Variants in DRC9 observed in about 807,000 individuals in gnomAD.
DRC9 encodes dynein regulatory complex subunit 9.
the DRC9 span, among the ~76,000 whole-genome samples, chr3:197,909,494 G>C: frequency 6.6e-6 from 1 of 152,028 alleles, no homozygotes; most frequent in Non-Finnish European, 1.5e-5. Context: ...GAACCAAGAA[G>C]GTTTCGCAAT....
the DRC9 span, among the ~76,000 whole-genome samples, chr3:197,893,581 C>T: frequency 2.0e-5 from 3 of 151,846 alleles, no homozygotes; most frequent in South Asian, 2.1e-4. Flanking sequence ...CAGTGGCTCA[C>T]GTCTGGAATC....
the DRC9 span, among the ~76,000 whole-genome samples, chr3:197,910,150 T>C: frequency 6.6e-6 from 1 of 151,988 alleles, no homozygotes; most frequent in Non-Finnish European, 1.5e-5. Context: ...TGTCTGAAAT[T>C]GTAGCTGGAC....
the DRC9 span, among the ~76,000 whole-genome samples, chr3:197,935,389 G>A: frequency 4.4e-4 from 66 of 151,218 alleles, no homozygotes; most frequent in African/African-American, 1.5e-3. Context: ...GCGTGAGCCG[G>A]GATTGCGCCA....
At chr3:197,889,399 GA>G in the DRC9 span, 1 of 700,014 alleles carries the variant, frequency 1.4e-6, no homozygotes, top group Non-Finnish European at 2.4e-6. Context: ...ATCAGGGTTT[GA>G]AAACCCACCT....
At chr3:197,914,979 C>T in the DRC9 span, among the ~76,000 whole-genome samples, 3 of 151,732 alleles carry the variant, frequency 2.0e-5, no homozygotes, top group African/African-American at 7.3e-5. Context: ...GCCTGGCCAA[C>T]ATGGTGAAAC....
At chr3:197,906,919 C>T in the DRC9 span, among the ~76,000 whole-genome samples, 6 of 152,186 alleles carry the variant, frequency 3.9e-5, no homozygotes, top group African/African-American at 1.2e-4. Context: ...CTTGAGTAGG[C>T]AGCCCAACAA....
the DRC9 span, among the ~76,000 whole-genome samples, chr3:197,900,291 G>C: frequency 2.0e-5 from 3 of 152,230 alleles, no homozygotes; most frequent in African/African-American, 7.2e-5. The surrounding 1 kb of genome is among the most constrained non-coding windows in gnomAD (Gnocchi z 4.7). Flanking sequence ...CAGCCATGGT[G>C]GTTAAGGGAG....
chr3:197,915,163 C>CAAAAAAAAAAAAAAAAAAAA, the DRC9 span, among the ~76,000 whole-genome samples: 9 of 71,250 alleles, frequency 1.3e-4, no homozygotes, highest in Non-Finnish European at 1.8e-4. Flanking sequence ...GATTCTGTCT[C>CAAAAAAAAAAAAAAAAAAAA]AAAAAAAAAA....
chr3:197,889,594 C>T, the DRC9 span: 1 of 1,614,200 alleles, frequency 6.2e-7, no homozygotes, highest in African/African-American at 1.3e-5. Flanking sequence ...TTCTTCTTGC[C>T]TCTCCTCTTA....
chr3:197,927,922 A>G, the DRC9 span, among the ~76,000 whole-genome samples: 1 of 144,012 alleles, frequency 6.9e-6, no homozygotes. Flanking sequence ...ACATATGGAC[A>G]CAGGGAGGGG....
At chr3:197,951,525 GTATTA>G in the DRC9 span, 1 of 543,248 alleles carries the variant, frequency 1.8e-6, no homozygotes, top group East Asian at 3.4e-5. Context: ...GCTAGTTTTT[GTATTA>G]TTAGTAGAGA....
the DRC9 span, chr3:197,952,542 T>G: frequency 2.0e-5 from 3 of 152,252 alleles, no homozygotes; most frequent in Non-Finnish European, 4.4e-5. Context: ...TTATCCAGGC[T>G]AAAGTGCAAT....
the DRC9 span, chr3:197,949,822 T>A: frequency 2.6e-6 from 1 of 378,634 alleles, no homozygotes; most frequent in Non-Finnish European, 4.7e-6. Flanking sequence ...ACCCCACTGT[T>A]GGCAAATCAA....
the DRC9 span, among the ~76,000 whole-genome samples, chr3:197,954,751 G>A: frequency 2.6e-3 from 391 of 152,224 alleles, 2 homozygotes; most frequent in Non-Finnish European, 4.1e-3. Context: ...CAAGTGATCT[G>A]CCCACCTTGG....
chr3:197,952,518 G>T, the DRC9 span: 2 of 151,392 alleles, frequency 1.3e-5, no homozygotes, highest in Non-Finnish European at 2.9e-5. Context: ...TTTTGAGACA[G>T]AGTTTTGCTC....
chr3:197,895,701 C>T, the DRC9 span, among the ~76,000 whole-genome samples: 86 of 152,076 alleles, frequency 5.7e-4, no homozygotes, highest in African/African-American at 2.0e-3. Flanking sequence ...GACCGGGTGC[C>T]GTGGCTCACA....
chr3:197,930,243 G>A, the DRC9 span, among the ~76,000 whole-genome samples: 1 of 151,956 alleles, frequency 6.6e-6, no homozygotes, highest in Non-Finnish European at 1.5e-5. Context: ...GCGACTTGAG[G>A]GGGCTGAGGC....
the DRC9 span, among the ~76,000 whole-genome samples, chr3:197,928,630 G>A: frequency 5.3e-5 from 8 of 152,200 alleles, no homozygotes; most frequent in African/African-American, 1.2e-4. Flanking sequence ...GATTACAGGC[G>A]TGAGCCACCA....
chr3:197,942,951 C>G, the DRC9 span, among the ~76,000 whole-genome samples: 1 of 149,874 alleles, frequency 6.7e-6, no homozygotes, highest in Non-Finnish European at 1.5e-5. Context: ...TTATTTATAA[C>G]TTGATAAATG....
Sources: allele counts gnomAD v4.1 joint callset (sites outside exome capture counted in the v4.1 genomes callset), GRCh38; gene constraint gnomAD v4.1.1; non-coding constraint Gnocchi (gnomAD v3.1); transcripts MANE v1.5; gene names NCBI Gene and HGNC (gene_info 2026-07-23, HGNC 2026-07-21).